GALNT13: variants seen among roughly 807,000 people sequenced by gnomAD.
GALNT13 encodes the protein polypeptide N-acetylgalactosaminyltransferase 13, also known as UDP-GalNAc:polypeptide N-acetylgalactosaminyltransferase 13.
Under a neutral mutation model 64.2 loss-of-function variants are expected in GALNT13, and 28 were observed. The ratio of observed to expected loss-of-function variants is 0.44; its 90% CI spans 0.32 to 0.60. GALNT13 has a LOEUF of 0.60. Among genes scored for constraint, GALNT13 ranks in the 20% least tolerant of loss-of-function variants. The probability of loss-of-function intolerance (pLI) is 0.05; values close to 1 mark genes in which losing one functional copy is unlikely to be tolerated. For synonymous variants in GALNT13, 214 were observed against 224.6 expected (o/e 0.95, Z 0.42); for missense variants, 577 against 669.8 (o/e 0.86, Z 1.53).
the GALNT13 span, among the ~76,000 whole-genome samples, chr2:153,457,584 A>G: frequency 2.6e-5 from 4 of 152,198 alleles, no homozygotes; most frequent in African/African-American, 4.8e-5. Context: ...CCCTATGAGT[A>G]GATACAATTT....
At chr2:154,375,923 G>T (rs1464798475) in intron 9 of GALNT13, among the ~76,000 whole-genome samples, 1 of 152,138 alleles carries the variant, frequency 6.6e-6, no homozygotes, top group African/African-American at 2.4e-5. Flanking sequence ...GCATAACCTG[G>T]CATGTTCACT....
the GALNT13 span, among the ~76,000 whole-genome samples, chr2:153,824,031 A>G: frequency 1.3e-5 from 2 of 152,204 alleles, no homozygotes; most frequent in Non-Finnish European, 2.9e-5. Flanking sequence ...CACATCACTA[A>G]TCATCAGAAA....
rs143686128 is a variant in GALNT13 at position 153,881,771 on chromosome 2, C to T, written c.-177+9468C>T. Among the ~76,000 whole-genome samples, 74 of 152,190 alleles carry T rather than the reference C, an allele frequency of 4.9e-4. No homozygotes were observed. The East Asian group carries it at 0.014, about 28-fold the overall frequency. On this transcript the variant is annotated intron_variant, in intron 1 of 12. Coordinates refer to ENST00000392825, the MANE Select transcript of GALNT13 (RefSeq NM_052917.4). Reference sequence around the variant, plus strand: ...AAATGTTAATCAGTTTTCTCATTTTCCACAAACAGAACAGGATATAAGGCA... The same window carrying T: ...AAATGTTAATCAGTTTTCTCATTTTTCACAAACAGAACAGGATATAAGGCA...
chr2:154,312,661 G>T (rs1694111622), intron 9 of GALNT13, among the ~76,000 whole-genome samples: 1 of 152,076 alleles, frequency 6.6e-6, no homozygotes, highest in Non-Finnish European at 1.5e-5. Flanking sequence ...TTTATACATT[G>T]TTAAAACAAT....
intron 11 of GALNT13, among the ~76,000 whole-genome samples, chr2:154,417,513 A>ATT (rs1387223429): frequency 1.5e-5 from 2 of 130,372 alleles, no homozygotes; most frequent in East Asian, 2.3e-4. Context: ...TTATTTATTT[A>ATT]TTTATTTATT....
At chr2:153,069,225 T>G in the GALNT13 span, among the ~76,000 whole-genome samples, 1 of 152,224 alleles carries the variant, frequency 6.6e-6, no homozygotes, top group African/African-American at 2.4e-5. Context: ...TTGCTACTGC[T>G]GCATTTTTCC....
chr2:154,103,673 A>G (rs757805727), intron 3 of GALNT13, among the ~76,000 whole-genome samples: 3 of 152,134 alleles, frequency 2.0e-5, no homozygotes, highest in Non-Finnish European at 4.4e-5. Flanking sequence ...TCCCCTGTGG[A>G]TATCACTGTA....
At chr2:154,085,323 T>C (rs1238531371) in intron 3 of GALNT13, among the ~76,000 whole-genome samples, 1 of 152,032 alleles carries the variant, frequency 6.6e-6, no homozygotes, top group Non-Finnish European at 1.5e-5. Context: ...TGAGTTTTAA[T>C]AGAAGCAGTA....
the GALNT13 span, among the ~76,000 whole-genome samples, chr2:153,080,385 TATTATAAAG>T: frequency 4.6e-5 from 7 of 152,254 alleles, no homozygotes; most frequent in Admixed American, 1.3e-4. Flanking sequence ...TCATTGATTT[TATTATAAAG>T]AAATACTGTG....
the GALNT13 span, among the ~76,000 whole-genome samples, chr2:153,732,187 G>A: frequency 7.2e-5 from 11 of 151,962 alleles, no homozygotes; most frequent in South Asian, 2.3e-3. Flanking sequence ...TAAATCCATA[G>A]TAGGTCATTA....
At chr2:153,171,659 C>G in the GALNT13 span, among the ~76,000 whole-genome samples, 1 of 152,086 alleles carries the variant, frequency 6.6e-6, no homozygotes, top group Non-Finnish European at 1.5e-5. Context: ...CCTGTGACAC[C>G]TAGAATCTGG....
At chr2:153,373,826 C>G in the GALNT13 span, among the ~76,000 whole-genome samples, 1 of 152,140 alleles carries the variant, frequency 6.6e-6, no homozygotes, top group East Asian at 1.9e-4. Context: ...TTTGATTAAT[C>G]TAGGTACCTC....
chr2:153,168,477 A>G, the GALNT13 span, among the ~76,000 whole-genome samples: 3 of 152,302 alleles, frequency 2.0e-5, 1 homozygote, highest in South Asian at 4.1e-4. Flanking sequence ...CTATATATAC[A>G]TTATGAAATT....
chr2:153,613,341 A>C, the GALNT13 span, among the ~76,000 whole-genome samples: 5 of 152,152 alleles, frequency 3.3e-5, no homozygotes, highest in Admixed American at 3.3e-4. Flanking sequence ...TTTTGCTGTA[A>C]GTTAATATAA....
chr2:153,111,489 CAAAG>C, the GALNT13 span, among the ~76,000 whole-genome samples: 164 of 151,996 alleles, frequency 1.1e-3, no homozygotes, highest in African/African-American at 3.8e-3. Context: ...GATATAAAAA[CAAAG>C]AAATTCGCCC....
intron 4 of GALNT13, among the ~76,000 whole-genome samples, chr2:154,173,549 A>G (rs1025500336): frequency 1.3e-5 from 2 of 151,952 alleles, no homozygotes; most frequent in Non-Finnish European, 2.9e-5. Flanking sequence ...AAATAGACAA[A>G]TGAGATAACA....
intron 12 of GALNT13, among the ~76,000 whole-genome samples, chr2:154,447,421 T>A (rs1274799775): frequency 6.6e-6 from 1 of 151,964 alleles, no homozygotes; most frequent in African/African-American, 2.4e-5. Flanking sequence ...GACTATCTTT[T>A]CAGCAAGCAA....
chr2:153,645,176 G>A, the GALNT13 span, among the ~76,000 whole-genome samples: 10 of 152,212 alleles, frequency 6.6e-5, no homozygotes, highest in African/African-American at 1.7e-4. Flanking sequence ...AGAAAAATAC[G>A]CGCTTCATGG....
the GALNT13 span, among the ~76,000 whole-genome samples, chr2:153,638,231 A>T: frequency 6.6e-6 from 1 of 152,250 alleles, no homozygotes; most frequent in East Asian, 1.9e-4. Flanking sequence ...CATTGTAAAG[A>T]TATTCATTGG....
Sources: gnomAD v4.1 joint callset for allele counts (sites outside exome capture counted in the v4.1 genomes callset) on GRCh38, gnomAD v4.1.1 for gene constraint, MANE v1.5 for transcripts, NCBI Gene and HGNC (gene_info 2026-07-23, HGNC 2026-07-21) for gene names.